The following CAP2 variants were observed in gnomAD, a reference collection of about 807,000 sequenced individuals.
CAP2 encodes cyclase associated actin cytoskeleton regulatory protein 2, also known as adenylyl cyclase-associated protein 2.
CAP2 carries 24 observed loss-of-function variants against 57.7 expected under a neutral mutation model. That is an observed-to-expected ratio of 0.42 (90% CI 0.30 to 0.58). The LOEUF (loss-of-function observed/expected upper bound fraction) is 0.58, where lower values mean the gene tolerates loss of function less well. CAP2 is among the 20% of genes least tolerant of loss of function. CAP2 has a pLI of 0.22. For missense variants in CAP2, 501 were observed against 590.3 expected (o/e 0.85, Z 1.57); for synonymous variants, 194 against 207.2 (o/e 0.94, Z 0.55).
Position 17,507,233 on chromosome 6 carries a change from A to C in CAP2, c.365A>C (p.Glu122Ala), listed in dbSNP as rs1253892258. ...ATTCAGGAAATCCAAACTTTCAGAGAGAGAAACCGGGGGAGTAACATGTTT... is the reference window on the plus strand; with the variant it reads ...ATTCAGGAAATCCAAACTTTCAGAGCGAGAAACCGGGGGAGTAACATGTTT... ...EKIQEIQTFRERNRGSNMFNH... is the reference protein window; with the variant it reads ...EKIQEIQTFRARNRGSNMFNH... The change falls in exon 5 of 13, where the codon GAG becomes GCG. Residue 122 changes from glutamate to alanine, a missense_variant. Glu to Ala is a moderately radical substitution (Grantham distance 107). Coordinates refer to ENST00000229922, the MANE Select transcript of CAP2 (RefSeq NM_006366.3). 2 of 1,614,066 alleles carry C rather than the reference A, an allele frequency of 1.2e-6. No individual in the cohort carries two copies. Among genetic ancestry groups the C allele is most frequent in the African/African-American group, 2.7e-5 (2 of 74,944 alleles).
At chr6:17,522,323 C>G (rs1432655965) in intron 7 of CAP2, among the ~76,000 whole-genome samples, 4 of 152,162 alleles carry the variant, frequency 2.6e-5, no homozygotes. Context: ...TTTAGTAATT[C>G]ACTTCCTTGG....
chr6:17,472,098 G>T lies in CAP2; in HGVS notation c.300+9025G>T, dbSNP rs202231368. On this transcript the variant is annotated intron_variant, in intron 4 of 12. Transcript: ENST00000229922. ...GCCTGTAATCCCAGCACTTTGGGAG[G>T]CCGAGGCGGGCGGATCACGAGGTCA... 8.1e-5 allele frequency among the ~76,000 whole-genome samples: 2 copies of T among 24,620 alleles called. 1 individual carries two copies. The allele number at this position is 24,620 out of a possible 152,430, so 16.2% of individuals were successfully genotyped here.
chr6:17,556,236 G>T (rs1295891586), intron 12 of CAP2, 123 bp from the exon 13 acceptor site: 3 of 682,052 alleles, frequency 4.4e-6, no homozygotes, highest in South Asian at 1.8e-5. Context: ...CTTGCAATTC[G>T]ATCGAATTTC....
intron 11 of CAP2, among the ~76,000 whole-genome samples, chr6:17,548,193 C>T (rs1255182638): frequency 1.3e-5 from 2 of 151,796 alleles, no homozygotes; most frequent in East Asian, 1.9e-4. Flanking sequence ...CGGTGAAACC[C>T]CATTTCTACT....
At chr6:17,545,089 A>G (rs1293649017) in intron 11 of CAP2, among the ~76,000 whole-genome samples, 2 of 152,176 alleles carry the variant, frequency 1.3e-5, no homozygotes, top group Non-Finnish European at 2.9e-5. Flanking sequence ...ATTATTTTTA[A>G]TTTTAAAAAA....
chr6:17,468,930 A>G (rs1379987996), intron 4 of CAP2, among the ~76,000 whole-genome samples: 1 of 152,236 alleles, frequency 6.6e-6, no homozygotes, highest in Admixed American at 6.5e-5. Flanking sequence ...CAGACCCTAC[A>G]TGTAAGAGCC....
chr6:17,553,917 C>G (rs1300532581), intron 12 of CAP2, among the ~76,000 whole-genome samples: 1 of 152,168 alleles, frequency 6.6e-6, no homozygotes, highest in African/African-American at 2.4e-5. Flanking sequence ...TCTACTTGGC[C>G]TGGTTCTTGA....
At chr6:17,544,131 AAAAAAAG>A (rs1299190872) in intron 11 of CAP2, among the ~76,000 whole-genome samples, 1 of 151,174 alleles carries the variant, frequency 6.6e-6, no homozygotes, top group Non-Finnish European at 1.5e-5. Context: ...TCTCAAAAAA[AAAAAAAG>A]AAAAGAAAAA....
At chr6:17,420,261 C>G (rs1162591721) in intron 1 of CAP2, among the ~76,000 whole-genome samples, 6 of 152,196 alleles carry the variant, frequency 3.9e-5, no homozygotes, top group Non-Finnish European at 8.8e-5. Context: ...ATCCCTGTCT[C>G]TACAAACCAC....
chr6:17,464,635 T>C (rs1385003295), intron 4 of CAP2, among the ~76,000 whole-genome samples: 1 of 152,208 alleles, frequency 6.6e-6, no homozygotes, highest in Non-Finnish European at 1.5e-5. Context: ...ATTCTGACTT[T>C]CAACCAGAGC....
At chr6:17,496,036 G>GGT (rs1761662105) in intron 4 of CAP2, among the ~76,000 whole-genome samples, 4 of 133,604 alleles carry the variant, frequency 3.0e-5, no homozygotes, top group Admixed American at 7.6e-5. Flanking sequence ...GTGGGGGGGG[G>GGT]GGGTAAGTCA....
intron 11 of CAP2, among the ~76,000 whole-genome samples, chr6:17,548,328 C>T (rs960458167): frequency 2.0e-5 from 3 of 151,036 alleles, no homozygotes; most frequent in African/African-American, 7.3e-5. Flanking sequence ...GATCCCGCCA[C>T]TGCACTCCAG....
chr6:17,522,794 G>T (rs755415296), intron 7 of CAP2, among the ~76,000 whole-genome samples: 3 of 152,122 alleles, frequency 2.0e-5, no homozygotes, highest in Non-Finnish European at 4.4e-5. Flanking sequence ...CATAGGTTTT[G>T]TTGTTTGTTT....
intron 7 of CAP2, among the ~76,000 whole-genome samples, chr6:17,515,499 A>T (rs557479494): frequency 1.8e-4 from 27 of 152,242 alleles, no homozygotes; most frequent in African/African-American, 6.5e-4. Flanking sequence ...AAAACTACTT[A>T]CTGGGTACTG....
rs1758611546 is a variant in CAP2 at position 17,394,112 on chromosome 6, C to G, written c.-2+366C>G. 3.4e-5 allele frequency among the ~76,000 whole-genome samples: 5 copies of G among 146,410 alleles called. No individual in the cohort carries two copies. The Admixed American group carries it at 3.5e-4, about 10-fold the overall frequency. ...CCCCACCCCAGCGCCGCCGCCCGCC[C>G]GGCCGCTCTAACTTTGGGGGGTCTC... On this transcript the variant is annotated intron_variant, in intron 1 of 12. Coordinates refer to ENST00000229922, the MANE Select transcript of CAP2 (RefSeq NM_006366.3).
intron 3 of CAP2, among the ~76,000 whole-genome samples, chr6:17,442,488 G>A (rs1760112604): frequency 6.6e-6 from 1 of 152,104 alleles, no homozygotes; most frequent in African/African-American, 2.4e-5. Context: ...TTACCCTTGG[G>A]TACCTCTTCA....
At chr6:17,469,440 G>A (rs1442853577) in intron 4 of CAP2, among the ~76,000 whole-genome samples, 1 of 152,122 alleles carries the variant, frequency 6.6e-6, no homozygotes, top group Non-Finnish European at 1.5e-5. Flanking sequence ...GTGTCTGTGT[G>A]TGTGTGTATT....
At chr6:17,507,984 C>G (rs769507346) in intron 6 of CAP2, among the ~76,000 whole-genome samples, 5 of 152,222 alleles carry the variant, frequency 3.3e-5, no homozygotes, top group Non-Finnish European at 7.3e-5. Context: ...ATGCATGTCA[C>G]TATCTTATGT....
chr6:17,458,621 T>C (rs182131116), intron 3 of CAP2, among the ~76,000 whole-genome samples: 21 of 152,300 alleles, frequency 1.4e-4, no homozygotes, highest in African/African-American at 4.3e-4. Context: ...CAGAAAATTA[T>C]CTGATATTGA....
Sources: allele counts gnomAD v4.1 joint callset (sites outside exome capture counted in the v4.1 genomes callset), GRCh38; gene constraint gnomAD v4.1.1; transcripts MANE v1.5; gene names NCBI Gene and HGNC (gene_info 2026-07-23, HGNC 2026-07-21).